Variants in NAMPT observed in about 807,000 individuals in gnomAD.
NAMPT encodes the protein nicotinamide phosphoribosyltransferase, also known as NAmPRTase.
In NAMPT, 7 loss-of-function variants were observed where a neutral mutation model predicts 58.7. The observed-to-expected ratio is 0.12, with a 90% CI of 0.07 to 0.22. The LOEUF is 0.22. Among genes scored for constraint, NAMPT ranks in the 10% least tolerant of loss-of-function variants. The probability of loss-of-function intolerance (pLI) is 1.00; values close to 1 mark genes in which losing one functional copy is unlikely to be tolerated. For synonymous variants in NAMPT, 145 were observed against 198.1 expected, an observed-to-expected ratio of 0.73 and a Z score of 2.25; for missense variants, 271 against 567.9, an observed-to-expected ratio of 0.48 and a Z score of 5.31.
intron 4 of NAMPT, among the ~76,000 whole-genome samples, chr7:106,270,651 A>T (rs1239738218): frequency 6.6e-6 from 1 of 152,084 alleles, no homozygotes; most frequent in Non-Finnish European, 1.5e-5. Context: ...TGCAGCTTCT[A>T]CTCTCATTCT....
rs142570401 is a variant in NAMPT at position 106,264,570 on chromosome 7, C to G, written c.744-953G>C. 2.4e-3 allele frequency among the ~76,000 whole-genome samples: 368 copies of G among 152,076 alleles called. 1 individual carries two copies. The highest frequency in any genetic ancestry group is 8.4e-3 in the African/African-American group (351 of 41,540). ...TGCTCCAATGAGCATTTCCTTTGAG[C>G]AAAAAGTTTCAGATTTTGGAGCATT... On this transcript the variant is annotated intron_variant, in intron 6 of 10. Coordinates refer to ENST00000222553, the MANE Select transcript of NAMPT (RefSeq NM_005746.3).
At chr7:106,267,876 A>AAC (rs1189395299) in intron 6 of NAMPT, among the ~76,000 whole-genome samples, 3 of 130,394 alleles carry the variant, frequency 2.3e-5, no homozygotes, top group East Asian at 4.5e-4. Context: ...AAAAAAAAAA[A>AAC]CAACCTGATT....
intron 10 of NAMPT, among the ~76,000 whole-genome samples, chr7:106,251,473 C>T (rs533951964): frequency 2.6e-5 from 4 of 152,006 alleles, no homozygotes; most frequent in Non-Finnish European, 5.9e-5. Flanking sequence ...AACCAAGAAA[C>T]CTAGCTGACC....
chr7:106,262,754 A>G (rs944147695), intron 7 of NAMPT, among the ~76,000 whole-genome samples: 1 of 152,098 alleles, frequency 6.6e-6, no homozygotes, highest in Non-Finnish European at 1.5e-5. Flanking sequence ...TTTTTCTTCT[A>G]TAACAGAGAC....
chr7:106,285,583 A>G (rs1220912736), upstream of NAMPT: 1 of 985,900 alleles, frequency 1.0e-6, no homozygotes, highest in Non-Finnish European at 1.2e-6. Flanking sequence ...TTTCGCCTCC[A>G]TCCCTCTTGT....
chr7:106,255,805 A>C (rs1792188829), intron 8 of NAMPT, among the ~76,000 whole-genome samples: 1 of 152,200 alleles, frequency 6.6e-6, no homozygotes, highest in Non-Finnish European at 1.5e-5. Flanking sequence ...GAATTTCAAT[A>C]CAGAAGAAAT....
rs1421696802 is a variant in NAMPT at position 106,268,531 on chromosome 7, G to C, written c.676C>G (p.Leu226Val). The C allele has an allele frequency of 1.9e-6, 3 of 1,612,862 alleles. No individual in the cohort carries two copies. The highest frequency in any genetic ancestry group is 2.5e-6 in the Non-Finnish European group (3 of 1,178,896). Reference protein sequence around the residue: ...KGTDTVAGLALIKKYYGTKDP... With the variant: ...KGTDTVAGLAVIKKYYGTKDP... The stretch of plus-strand genomic sequence containing the variant: ...TTCGTTCCATAATATTTTTTAATTA[G>C]AGCAAGTCCTGCTACTGTATCTGTT... Residue 226 changes from leucine to valine, a missense_variant, in exon 6 of 11, where the codon CTA becomes GTA. Around this residue, in one of 4 missense-constraint regions of NAMPT, gnomAD observed 143 missense variants for 331.1 expected, o/e 0.43. Transcript: ENST00000222553.
chr7:106,266,332 A>G (rs929272001), intron 6 of NAMPT, among the ~76,000 whole-genome samples: 6 of 152,232 alleles, frequency 3.9e-5, no homozygotes, highest in Admixed American at 2.6e-4. Flanking sequence ...AGAAGATATT[A>G]TCCTTGTCCT....
chr7:106,276,896 TCAAA>T, intron 2 of NAMPT, 123 bp downstream of exon 2: 3 of 752,254 alleles, frequency 4.0e-6, no homozygotes, highest in Non-Finnish European at 6.5e-6. Flanking sequence ...ACTTAGAACA[TCAAA>T]CACACACCAA....
chr7:106,252,879 G>T, intron 10 of NAMPT, 138 bp downstream of exon 10: 1 of 1,062,916 alleles, frequency 9.4e-7, no homozygotes, highest in Non-Finnish European at 1.3e-6. Flanking sequence ...TGGTAGGCCA[G>T]GTCAGCAATT....
Position 106,263,422 on chromosome 7 carries a change from A to G in NAMPT, c.939T>C (p.Asp313=), listed in dbSNP as rs760564262. Residue 313 remains aspartate (D), a synonymous_variant, in exon 7 of 11, where the codon GAT becomes GAC. Transcript: ENST00000222553. The stretch of plus-strand genomic sequence containing the variant: ...ACACAGTGTCAAGAGGGTTTCCAGA[A>G]TCAGGTCTGATTATTAGTGGTGCCT... ...STQAPLIIRP[D]SGNPLDTVLK... The G allele has an allele frequency of 9.4e-6, 15 of 1,601,288 alleles. No individual in the cohort carries two copies. The South Asian group carries it at 1.5e-4, about 16-fold the overall frequency.
At chr7:106,279,402 A>G (rs1792716068) in intron 1 of NAMPT, among the ~76,000 whole-genome samples, 1 of 148,100 alleles carries the variant, frequency 6.8e-6, no homozygotes, top group South Asian at 2.3e-4. Flanking sequence ...ACAGAAGAAT[A>G]CAGAGCATGT....
chr7:106,253,201 A>G (rs779951641), intron 9 of NAMPT, 50 bp from the exon 10 acceptor site: 5 of 1,591,076 alleles, frequency 3.1e-6, no homozygotes, highest in Admixed American at 1.8e-5. Flanking sequence ...AATCATCAGA[A>G]ATGTCTAAAC....
chr7:106,272,829 CTA>C (rs1225683015), intron 3 of NAMPT, among the ~76,000 whole-genome samples, 171 bp from the exon 4 acceptor site: 4 of 152,138 alleles, frequency 2.6e-5, no homozygotes, highest in Non-Finnish European at 5.9e-5. Flanking sequence ...TAAAATAAAA[CTA>C]GTTAAAATTA....
At chr7:106,271,772 G>A (rs1292795524) in intron 4 of NAMPT, 5 of 152,266 alleles carry the variant, frequency 3.3e-5, no homozygotes, top group Admixed American at 3.3e-4. Flanking sequence ...TACTTTAACC[G>A]ATAAACTAAT....
intron 8 of NAMPT, among the ~76,000 whole-genome samples, chr7:106,259,264 C>T (rs1792261588): frequency 6.6e-6 from 1 of 152,182 alleles, no homozygotes; most frequent in African/African-American, 2.4e-5. Flanking sequence ...TTACTTCCTC[C>T]ACTGAAGTCT....
At chr7:106,254,640 G>T (rs1024229494) in intron 8 of NAMPT, 136 bp from the exon 9 acceptor site, 3 of 1,018,618 alleles carry the variant, frequency 2.9e-6, no homozygotes, top group Non-Finnish European at 1.4e-6. Flanking sequence ...ATTATAGCCC[G>T]CATTTTGTTT....
rs1330580946 is a variant in NAMPT, at chr7:106,257,277, A to C, written c.1090-2773T>G. On this transcript the variant is annotated intron_variant, in intron 8 of 10. Coordinates refer to ENST00000222553, the MANE Select transcript of NAMPT (RefSeq NM_005746.3). ...AGTATTTATCTCAATATTCTTGTTT[A>C]TGTAGTTTATTCATGTACAGTTTTG... Among the ~76,000 whole-genome samples, 6 of 152,112 alleles carry C rather than the reference A, an allele frequency of 3.9e-5. No homozygotes were observed. The South Asian group carries it at 8.3e-4, about 21-fold the overall frequency.
At chr7:106,257,110 C>G (rs1430260320) in intron 8 of NAMPT, among the ~76,000 whole-genome samples, 2 of 151,358 alleles carry the variant, frequency 1.3e-5, no homozygotes, top group Non-Finnish European at 2.9e-5. Flanking sequence ...TGCCACTGCA[C>G]TCCAGCTTGG....
Sources: gnomAD v4.1 joint callset for allele counts (sites outside exome capture counted in the v4.1 genomes callset) on GRCh38, gnomAD v4.1.1 for gene constraint, gnomAD v4.1.1 regional missense constraint, MANE v1.5 for transcripts, NCBI Gene and HGNC (gene_info 2026-07-23, HGNC 2026-07-21) for gene names.